The following ABTB3 variants were observed in gnomAD, a reference collection of about 807,000 sequenced individuals.
ABTB3 encodes the protein ankyrin repeat- and BTB/POZ domain-containing protein 3.
the ABTB3 span, among the ~76,000 whole-genome samples, chr12:107,548,241 C>A: frequency 2.0e-5 from 3 of 152,192 alleles, no homozygotes; most frequent in Non-Finnish European, 4.4e-5. Context: ...CCTTGACTAT[C>A]ATTATTCTGA....
At chr12:107,379,379 T>A in the ABTB3 span, among the ~76,000 whole-genome samples, 1 of 152,112 alleles carries the variant, frequency 6.6e-6, no homozygotes, top group Non-Finnish European at 1.5e-5. Flanking sequence ...GGGTGGGTTT[T>A]TCCTGTGCTG....
At chr12:107,582,022 C>T in the ABTB3 span, among the ~76,000 whole-genome samples, 1 of 152,140 alleles carries the variant, frequency 6.6e-6, no homozygotes, top group Non-Finnish European at 1.5e-5. Flanking sequence ...TTTTCAAATC[C>T]CTTCCTACCC....
the ABTB3 span, among the ~76,000 whole-genome samples, chr12:107,433,052 G>A: frequency 2.0e-5 from 3 of 152,082 alleles, no homozygotes; most frequent in East Asian, 3.9e-4. Context: ...TTGGGAGGCC[G>A]AGGCGGGTGG....
chr12:107,373,634 C>T, the ABTB3 span, among the ~76,000 whole-genome samples: 10 of 152,190 alleles, frequency 6.6e-5, no homozygotes, highest in African/African-American at 1.9e-4. Context: ...ATTCATCCCA[C>T]ATCCCCATCT....
chr12:107,628,326 A>G, the ABTB3 span, among the ~76,000 whole-genome samples: 5 of 152,272 alleles, frequency 3.3e-5, no homozygotes, highest in Admixed American at 6.5e-5. Flanking sequence ...TATTTTTAGT[A>G]GAGACAGGGT....
At chr12:107,543,907 G>A in the ABTB3 span, 6 of 1,587,538 alleles carry the variant, frequency 3.8e-6, no homozygotes, top group African/African-American at 8.1e-5. Flanking sequence ...GCTTCCTGGA[G>A]GATCTGAAAT....
the ABTB3 span, chr12:107,651,807 C>A: frequency 1.3e-6 from 2 of 1,597,364 alleles, no homozygotes; most frequent in Admixed American, 1.7e-5. Context: ...CTCATTCTCG[C>A]GCAGTGCGCA....
the ABTB3 span, among the ~76,000 whole-genome samples, chr12:107,614,435 T>C: frequency 0.33 from 49,856 of 151,852 alleles, 9,775 homozygotes; most frequent in African/African-American, 0.56. Context: ...CTCCATCAGA[T>C]GAGTGATGGA....
chr12:107,468,821 C>T, the ABTB3 span, among the ~76,000 whole-genome samples: 2 of 152,162 alleles, frequency 1.3e-5, no homozygotes, highest in African/African-American at 4.8e-5. Flanking sequence ...GGCAGAAATG[C>T]AACCCATTTT....
At chr12:107,657,688 C>T in the ABTB3 span, 1 of 1,614,208 alleles carries the variant, frequency 6.2e-7, no homozygotes, top group Non-Finnish European at 8.5e-7. Flanking sequence ...AGTCCATCCA[C>T]TTGTCGTCTT....
chr12:107,442,458 G>A, the ABTB3 span, among the ~76,000 whole-genome samples: 1 of 152,226 alleles, frequency 6.6e-6, no homozygotes, highest in African/African-American at 2.4e-5. Context: ...ACAAAATGTG[G>A]AAGATTGATG....
chr12:107,369,924 G>A, the ABTB3 span, among the ~76,000 whole-genome samples: 1 of 152,076 alleles, frequency 6.6e-6, no homozygotes, highest in African/African-American at 2.4e-5. Flanking sequence ...ACCCAGGCTT[G>A]TTCCTGGCTC....
the ABTB3 span, chr12:107,642,228 G>C: frequency 2.0e-6 from 3 of 1,519,942 alleles, no homozygotes; most frequent in Non-Finnish European, 2.7e-6. Context: ...ACAGGTGGTT[G>C]CCTCAGATCC....
the ABTB3 span, among the ~76,000 whole-genome samples, chr12:107,556,254 C>T: frequency 6.6e-6 from 1 of 152,038 alleles, no homozygotes; most frequent in Non-Finnish European, 1.5e-5. Context: ...ACCACCACAC[C>T]TAGCTAATTT....
At chr12:107,585,426 TAAGTGC>T in the ABTB3 span, among the ~76,000 whole-genome samples, 1 of 152,166 alleles carries the variant, frequency 6.6e-6, no homozygotes, top group African/African-American at 2.4e-5. Flanking sequence ...GAGCACCAAC[TAAGTGC>T]CAATCCCCAT....
the ABTB3 span, among the ~76,000 whole-genome samples, chr12:107,439,654 T>G: frequency 6.6e-6 from 1 of 152,214 alleles, no homozygotes; most frequent in East Asian, 1.9e-4. Flanking sequence ...ATGGTTCATC[T>G]GCACACAGTA....
At chr12:107,360,880 A>G in the ABTB3 span, among the ~76,000 whole-genome samples, 2 of 149,622 alleles carry the variant, frequency 1.3e-5, no homozygotes, top group Admixed American at 6.6e-5. Context: ...CAGCCTCCTG[A>G]GTAGCTGGGA....
chr12:107,519,331 C>CTTTCT, the ABTB3 span, among the ~76,000 whole-genome samples: 27 of 140,116 alleles, frequency 1.9e-4, no homozygotes, highest in Admixed American at 3.7e-4. Context: ...TTTTCTTTTT[C>CTTTCT]TTTTTTTTTT....
At chr12:107,652,258 G>C in the ABTB3 span, among the ~76,000 whole-genome samples, 1 of 152,206 alleles carries the variant, frequency 6.6e-6, no homozygotes, top group Non-Finnish European at 1.5e-5. Context: ...GAAACTTGAG[G>C]GGGGACCCAG....
Sources: gnomAD v4.1 joint callset for allele counts (sites outside exome capture counted in the v4.1 genomes callset) on GRCh38, gnomAD v4.1.1 for gene constraint, MANE v1.5 for transcripts, NCBI Gene and HGNC (gene_info 2026-07-23, HGNC 2026-07-21) for gene names.